SYT7: variants seen among roughly 807,000 people sequenced by gnomAD.
SYT7 encodes the protein synaptotagmin-7.
SYT7 carries 29 observed loss-of-function variants against 75.1 expected under a neutral mutation model. The observed-to-expected ratio is 0.39, with a 90% confidence interval of 0.29 to 0.53. The LOEUF is 0.53. Ranked by LOEUF, SYT7 falls within the 20% of genes least tolerant of loss-of-function variation. SYT7 has a pLI of 0.77. For missense variants in SYT7, 693 were observed against 953.2 expected, an observed-to-expected ratio of 0.73 and a Z score of 3.59; for synonymous variants, 376 against 401.7, an observed-to-expected ratio of 0.94 and a Z score of 0.76.
chr11:61,579,398 G>A (rs2064178219), intron 1 of SYT7, among the ~76,000 whole-genome samples: 1 of 152,358 alleles, frequency 6.6e-6, no homozygotes, highest in East Asian at 1.9e-4. Flanking sequence ...CCCTCACCTA[G>A]AGGACATTCA....
rs2063217693 is a variant in SYT7 at position 61,547,247 on chromosome 11, AG to A, written c.276del (p.Tyr93ThrfsTer8). 6.5e-7 allele frequency: 1 copy of A among 1,535,136 alleles called. No homozygotes were observed. The highest frequency in any genetic ancestry group is 1.4e-5 in the African/African-American group (1 of 73,002). On this transcript the variant is annotated frameshift_variant, in exon 4 of 13. Transcript: ENST00000539008. LOFTEE classifies it high-confidence loss of function. ...NESTVQQKWS[S>X]YPPKEFILNI... ...TTTAGAATAAACTCCTTGGGAGGGTAGGAGCTCCATTTCTGCTGCACTGTGC... is the reference window on the plus strand; with the variant it reads ...TTTAGAATAAACTCCTTGGGAGGGTAGAGCTCCATTTCTGCTGCACTGTGC...
At position 61,532,031 on chromosome 11, in the gene SYT7, T is replaced by G. The variant is rs967302061; in HGVS notation, c.1200+958A>C. On this transcript the variant is annotated intron_variant, in intron 8 of 12. Coordinates refer to ENST00000539008, the MANE Select transcript of SYT7 (RefSeq NM_001365809.2). ...AGAAACGCCAGGCTAGAAGGGGCAG[T>G]GGGGATGGATGGTTAGAGCTGGCTG... is the stretch of plus-strand genomic sequence containing the variant. Among the ~76,000 whole-genome samples, 5 of 150,428 alleles carry G rather than the reference T, an allele frequency of 3.3e-5. No individual in the cohort carries two copies. In the South Asian group the frequency reaches 1.1e-3, roughly 32 times the overall value.
chr11:61,543,257 TC>T (rs945707523), intron 5 of SYT7, among the ~76,000 whole-genome samples: 1 of 152,276 alleles, frequency 6.6e-6, no homozygotes, highest in East Asian at 1.9e-4. Context: ...CAGCATCCTC[TC>T]CTGGGACCTT....
intron 1 of SYT7, among the ~76,000 whole-genome samples, chr11:61,562,148 AT>A (rs571751720): frequency 2.0e-5 from 3 of 152,016 alleles, no homozygotes; most frequent in South Asian, 2.1e-4. Flanking sequence ...CAAACTCCTG[AT>A]TTTTTTAGGC....
At chr11:61,534,563 C>T (rs545339307) in intron 7 of SYT7, among the ~76,000 whole-genome samples, 39 of 152,186 alleles carry the variant, frequency 2.6e-4, no homozygotes, top group Non-Finnish European at 5.3e-4. Flanking sequence ...GCAGCAGTGA[C>T]GACACACATA....
At chr11:61,565,939 T>C (rs1016552924) in intron 1 of SYT7, among the ~76,000 whole-genome samples, 1 of 152,240 alleles carries the variant, frequency 6.6e-6, no homozygotes, top group Non-Finnish European at 1.5e-5. Flanking sequence ...TGCAGACGGT[T>C]TAGAATTCAG....
rs1300502534 is a variant in SYT7, at chr11:61,546,595, G to A, written c.348-340C>T. 2 of 455,684 alleles carry A rather than the reference G, an allele frequency of 4.4e-6. No individual in the cohort carries two copies. The highest frequency in any genetic ancestry group is 8.7e-6 in the Non-Finnish European group (2 of 229,282). The allele number at this position is 455,684 out of a possible 1,614,324, so 28.2% of individuals were successfully genotyped here. ...GGGGCAGGGGCGGCGGGGGTTGGGG[G>A]AGGGCAGCCACCTCCAACTCTATCC... On this transcript the variant is annotated intron_variant, in intron 4 of 12. Transcript: ENST00000539008. The surrounding 1 kb of genome is among the most constrained non-coding windows in gnomAD (Gnocchi z 7.6).
At chr11:61,549,381 A>G (rs925751876) in intron 3 of SYT7, among the ~76,000 whole-genome samples, 1 of 152,164 alleles carries the variant, frequency 6.6e-6, no homozygotes. Context: ...CAAGAGGGAG[A>G]CAGAGTGTGC....
At chr11:61,562,066 ACG>A (rs200577122) in intron 1 of SYT7, among the ~76,000 whole-genome samples, 1 of 151,062 alleles carries the variant, frequency 6.6e-6, no homozygotes, top group Admixed American at 6.6e-5. Context: ...ACACACACAC[ACG>A]CACGCACGTA....
At chr11:61,569,769 G>T (rs546798309) in intron 1 of SYT7, among the ~76,000 whole-genome samples, 5 of 152,242 alleles carry the variant, frequency 3.3e-5, no homozygotes, top group African/African-American at 1.2e-4. Context: ...CAGGGAGAAG[G>T]GGGAGGAGAG....
At position 61,515,615 on chromosome 11, in the gene SYT7, G is replaced by T. The variant is rs1332387381; in HGVS notation, c.*3012C>A. ...ATCCCCACCCCTGGGGCTCCGGGGA[G>T]CCCCCCTGGCTTGTTTGTGGCTGTT... is the stretch of plus-strand genomic sequence containing the variant. On this transcript the variant is annotated 3_prime_UTR_variant, in exon 13 of 13. Transcript: ENST00000539008. 1 of 152,512 alleles carries T rather than the reference G, an allele frequency of 6.6e-6. No individual in the cohort carries two copies. The highest frequency in any genetic ancestry group is 2.4e-5 in the African/African-American group (1 of 41,398). The allele number at this position is 152,512 out of a possible 1,614,324, so 9.4% of individuals were successfully genotyped here.
chr11:61,575,580 A>G (rs1368280293), intron 1 of SYT7, among the ~76,000 whole-genome samples: 1 of 152,214 alleles, frequency 6.6e-6, no homozygotes, highest in Non-Finnish European at 1.5e-5. Context: ...ACAGCCAGGT[A>G]AGGCCCTGCT....
At chr11:61,547,088 G>A (rs534373950) in intron 4 of SYT7, 89 bp downstream of exon 4, 49 of 1,431,608 alleles carry the variant, frequency 3.4e-5, no homozygotes, top group African/African-American at 7.0e-5. Context: ...GGGAGTGAGC[G>A]GGTCCAGAGG....
rs1221940125 is a variant in SYT7, at chr11:61,576,573, C to A, written c.31+4217G>T. On this transcript the variant is annotated intron_variant, in intron 1 of 12. Coordinates refer to ENST00000539008, the MANE Select transcript of SYT7 (RefSeq NM_001365809.2). The surrounding 1 kb of genome is among the most constrained non-coding windows in gnomAD (Gnocchi z 4.1). Reference sequence around the variant, plus strand: ...AGCTCCGGACTGGGCCTCCCGCCCCCACGTGACCCCTCCCAGCTCTTCTCC... The same window carrying A: ...AGCTCCGGACTGGGCCTCCCGCCCCAACGTGACCCCTCCCAGCTCTTCTCC... Among the ~76,000 whole-genome samples, 1 of 152,238 alleles carries A rather than the reference C, an allele frequency of 6.6e-6. No individual in the cohort carries two copies. Among genetic ancestry groups the A allele is most frequent in the African/African-American group, 2.4e-5 (1 of 41,458 alleles).
chr11:61,585,348 C>T (rs762678675), upstream of SYT7, among the ~76,000 whole-genome samples: 8 of 152,220 alleles, frequency 5.3e-5, no homozygotes, highest in African/African-American at 7.2e-5. Flanking sequence ...CACCTCTCTC[C>T]TTGCCATCAT....
chr11:61,547,669 G>C (rs1210237821), intron 3 of SYT7, among the ~76,000 whole-genome samples: 1 of 152,036 alleles, frequency 6.6e-6, no homozygotes, highest in African/African-American at 2.4e-5. Context: ...AGGGGAGAAG[G>C]GTTGGGGATG....
At position 61,524,549 on chromosome 11, in the gene SYT7, G is replaced by A; in HGVS notation, c.1472-17C>T. 1 of 1,560,612 alleles carries A rather than the reference G, an allele frequency of 6.4e-7. No individual in the cohort carries two copies. Among genetic ancestry groups the A allele is most frequent in the Non-Finnish European group, 8.7e-7 (1 of 1,151,348 alleles). Reference sequence around the variant, plus strand: ...AGGGAAAACCTGGGGGTATAGATGAGTGTGAGTGAAGAGGGGGACAGAGGG... The same window carrying A: ...AGGGAAAACCTGGGGGTATAGATGAATGTGAGTGAAGAGGGGGACAGAGGG... On this transcript the variant is annotated splice_polypyrimidine_tract_variant and intron_variant, in intron 9 of 12. Transcript: ENST00000539008. The surrounding 1 kb of genome is among the most constrained non-coding windows in gnomAD (Gnocchi z 4.1).
chr11:61,581,557 G>T (rs1029850263), upstream of SYT7, among the ~76,000 whole-genome samples: 11 of 152,344 alleles, frequency 7.2e-5, no homozygotes, highest in African/African-American at 2.6e-4. Context: ...GCGGCGGTCC[G>T]GGGCAGACGG....
chr11:61,527,960 G>A lies in SYT7; in HGVS notation c.1426C>T (p.Arg476Trp). The A allele has an allele frequency of 6.2e-7, 1 of 1,614,170 alleles. No homozygotes were observed. Among genetic ancestry groups the A allele is most frequent in the East Asian group, 2.2e-5 (1 of 44,882 alleles). ...KKHKLETKVK[R>W]KNLNPHWNET... is the part of the protein sequence containing the mutation. ...TTCCAGTGGGGGTTCAGGTTCTTCC[G>A]CTTCACCTTGGTCTCCAGCTTGTGC... Residue 476 changes from arginine (R) to tryptophan (W), a missense_variant, in exon 9 of 13, where the codon CGG becomes TGG. This residue lies in a region of SYT7 where 206 missense variants were observed against 360.0 expected (regional missense o/e 0.57). Transcript: ENST00000539008.
Sources: gnomAD v4.1 joint callset for allele counts (sites outside exome capture counted in the v4.1 genomes callset) on GRCh38, gnomAD v4.1.1 for gene constraint, gnomAD v4.1.1 regional missense constraint, Gnocchi (gnomAD v3.1) non-coding constraint, MANE v1.5 for transcripts, NCBI Gene and HGNC (gene_info 2026-07-23, HGNC 2026-07-21) for gene names.